Variants in KAZN observed in about 807,000 individuals in gnomAD.
KAZN encodes kazrin.
A neutral mutation model predicts 87.4 loss-of-function variants in KAZN; 40 were observed. The ratio of observed to expected loss-of-function variants is 0.46; its 90% CI spans 0.36 to 0.60. The LOEUF (loss-of-function observed/expected upper bound fraction) is 0.60, where lower values mean the gene tolerates loss of function less well. Ranked by LOEUF, KAZN falls within the 20% of genes least tolerant of loss-of-function variation. The pLI, the probability that KAZN is intolerant of heterozygous loss-of-function variation, is 0.00. For missense variants in KAZN, 898 were observed against 1,073.9 expected (o/e 0.84, Z 2.29); for synonymous variants, 466 against 458.3 (o/e 1.02, Z -0.22).
intron 2 of KAZN, among the ~76,000 whole-genome samples, chr1:14,421,408 G>A (rs1175983698): frequency 6.6e-6 from 1 of 152,112 alleles, no homozygotes; most frequent in East Asian, 1.9e-4. Context: ...CTCCATCCAA[G>A]AAGGACACGA....
At chr1:13,966,037 C>A (rs570945151) in intron 1 of KAZN, among the ~76,000 whole-genome samples, 81 of 152,122 alleles carry the variant, frequency 5.3e-4, no homozygotes, top group Non-Finnish European at 8.8e-5. Context: ...ACAGTCCAGG[C>A]GGCTCTCCAA....
intron 1 of KAZN, among the ~76,000 whole-genome samples, chr1:14,728,149 G>T (rs1433573477): frequency 6.6e-6 from 1 of 151,828 alleles, no homozygotes; most frequent in Non-Finnish European, 1.5e-5. Flanking sequence ...AGCCGGGTAT[G>T]GTTGCGTGCA....
intron 1 of KAZN, among the ~76,000 whole-genome samples, chr1:14,642,037 G>A (rs866548295): frequency 2.0e-4 from 31 of 152,196 alleles, no homozygotes; most frequent in African/African-American, 7.2e-4. Context: ...TTGCAGAAGA[G>A]GATATATGGA....
At chr1:14,323,132 C>T (rs1158588835) in intron 2 of KAZN, among the ~76,000 whole-genome samples, 3 of 151,480 alleles carry the variant, frequency 2.0e-5, no homozygotes, top group Admixed American at 1.3e-4. Context: ...CTAGTCTCTC[C>T]CTTGACACAC....
In KAZN at chr1:14,403,071, C is replaced by A. The variant is rs376382432; in HGVS notation, c.250-195912C>A. ...TGAACTCCTGGCCTCAAGTGATCCA[C>A]CCCCTTGGCCTCCCAAAGTGCTCGG... On this transcript the variant is annotated intron_variant, in intron 2 of 16. Coordinates refer to the KAZN transcript ENST00000636203. Among the ~76,000 whole-genome samples, 4 of 152,160 alleles carry A rather than the reference C, an allele frequency of 2.6e-5. No homozygotes were observed. The East Asian group carries it at 7.7e-4, about 29-fold the overall frequency.
intron 1 of KAZN, among the ~76,000 whole-genome samples, chr1:14,158,986 G>A (rs868733777): frequency 8.6e-5 from 13 of 151,986 alleles, no homozygotes; most frequent in Non-Finnish European, 1.6e-4. Flanking sequence ...CTGAGCCACC[G>A]GGAGCTGGGG....
intron 2 of KAZN, among the ~76,000 whole-genome samples, chr1:15,009,606 C>G (rs997532663): frequency 1.3e-5 from 2 of 152,144 alleles, no homozygotes; most frequent in African/African-American, 4.8e-5. Context: ...GCTGTCAGCT[C>G]CATAGCAAAG....
intron 2 of KAZN, among the ~76,000 whole-genome samples, chr1:14,325,833 G>A (rs958542962): frequency 1.3e-5 from 2 of 152,124 alleles, no homozygotes; most frequent in Non-Finnish European, 2.9e-5. Context: ...TTCATCACGT[G>A]GCTTGAGACA....
chr1:14,196,723 G>T (rs1646533728), intron 2 of KAZN, among the ~76,000 whole-genome samples: 1 of 152,096 alleles, frequency 6.6e-6, no homozygotes, highest in Non-Finnish European at 1.5e-5. Context: ...GAAAGAATCA[G>T]ATTGGAAATA....
At position 15,106,101 on chromosome 1, in the gene KAZN, G is replaced by A. The variant is rs552046349; in HGVS notation, c.2048+1912G>A. The stretch of plus-strand genomic sequence containing the variant: ...TCAAGATCAGCCTGGGCAACATAGC[G>A]TGACCTTTTCTCTACTAAAAATTAA... On this transcript the variant is annotated intron_variant, in intron 13 of 14. Coordinates refer to ENST00000376030, the MANE Select transcript of KAZN (RefSeq NM_201628.3). Among the ~76,000 whole-genome samples, 50 of 152,146 alleles carry A rather than the reference G, an allele frequency of 3.3e-4. 1 individual carries two copies. In the South Asian group the frequency reaches 8.1e-3, roughly 25 times the overall value.
At chr1:14,253,008 T>C (rs1416313316) in intron 2 of KAZN, among the ~76,000 whole-genome samples, 5 of 151,874 alleles carry the variant, frequency 3.3e-5, no homozygotes, top group Non-Finnish European at 5.9e-5. Context: ...CTGGAAGTAG[T>C]GGGTGTCCTG....
chr1:14,472,826 C>T (rs550153370), intron 2 of KAZN, among the ~76,000 whole-genome samples: 18 of 152,154 alleles, frequency 1.2e-4, no homozygotes, highest in African/African-American at 4.3e-4. Context: ...TTACCAAAGA[C>T]CTATATATGT....
chr1:14,052,514 A>G (rs74687408), intron 1 of KAZN, among the ~76,000 whole-genome samples: 1,857 of 151,996 alleles, frequency 0.012, 28 homozygotes, highest in African/African-American at 0.041. Flanking sequence ...TATTTGATTA[A>G]AAGAAGGACA....
At chr1:14,797,804 T>A (rs1645875798) in intron 1 of KAZN, among the ~76,000 whole-genome samples, 1 of 152,176 alleles carries the variant, frequency 6.6e-6, no homozygotes, top group South Asian at 2.1e-4. Flanking sequence ...TCACAGCATG[T>A]CTCTTTCATT....
intron 2 of KAZN, among the ~76,000 whole-genome samples, chr1:14,355,024 GAAAT>G (rs974525978): frequency 2.0e-5 from 3 of 151,982 alleles, no homozygotes; most frequent in African/African-American, 7.2e-5. Flanking sequence ...TTAAAAAAAA[GAAAT>G]AAACTGCTGA....
chr1:14,447,249 T>TTATTAC (rs1667035889), intron 2 of KAZN, among the ~76,000 whole-genome samples: 1 of 145,542 alleles, frequency 6.9e-6, no homozygotes, highest in Non-Finnish European at 1.5e-5. Context: ...ATTATTATTA[T>TTATTAC]TATTATTGAG....
At chr1:14,446,557 A>G (rs1411833280) in intron 2 of KAZN, among the ~76,000 whole-genome samples, 1 of 152,188 alleles carries the variant, frequency 6.6e-6, no homozygotes, top group Non-Finnish European at 1.5e-5. Flanking sequence ...TATGAGCTAA[A>G]CCATGGAGGC....
intron 2 of KAZN, among the ~76,000 whole-genome samples, chr1:14,357,615 G>A (rs1659145393): frequency 6.6e-6 from 1 of 152,176 alleles, no homozygotes; most frequent in Admixed American, 6.5e-5. Context: ...CTAGTTTATT[G>A]AGAGTTTTTA....
At chr1:14,508,323 A>C (rs1175151630) in intron 2 of KAZN, among the ~76,000 whole-genome samples, 2 of 152,160 alleles carry the variant, frequency 1.3e-5, no homozygotes, top group Admixed American at 1.3e-4. Flanking sequence ...TGTTCCCGTC[A>C]CTATTGCTGT....
Sources: gnomAD v4.1 joint callset for allele counts (sites outside exome capture counted in the v4.1 genomes callset) on GRCh38, gnomAD v4.1.1 for gene constraint, MANE v1.5 for transcripts, NCBI Gene and HGNC (gene_info 2026-07-23, HGNC 2026-07-21) for gene names.